Variants in SORCS3 observed in about 807,000 individuals in gnomAD.
SORCS3 encodes the protein sortilin related VPS10 domain containing receptor 3.
Under a neutral mutation model 146.3 loss-of-function variants are expected in SORCS3, and 57 were observed. The observed-to-expected ratio is 0.39, with a 90% CI of 0.31 to 0.49. The LOEUF is 0.49. SORCS3 is among the 20% of genes least tolerant of loss of function. The pLI is 0.92. For synonymous variants in SORCS3, 653 were observed against 618.5 expected (o/e 1.06, Z -0.83); for missense variants, 1,341 against 1,575.5 (o/e 0.85, Z 2.52).
At chr10:105,100,740 A>C (rs2055778423) in intron 6 of SORCS3, among the ~76,000 whole-genome samples, 1 of 152,262 alleles carries the variant, frequency 6.6e-6, no homozygotes, top group Non-Finnish European at 1.5e-5. Flanking sequence ...ACAAAATAGG[A>C]CATTTATTAT....
intron 3 of SORCS3, among the ~76,000 whole-genome samples, chr10:104,956,865 G>T (rs1256736523): frequency 6.6e-6 from 1 of 152,142 alleles, no homozygotes; most frequent in East Asian, 1.9e-4. Context: ...CTTATTCTGT[G>T]TAATTTTGTT....
rs746348194 is a variant in SORCS3, at chr10:104,641,533, C to T, written c.206C>T (p.Pro69Leu). 4.7e-6 allele frequency: 7 copies of T among 1,474,784 alleles called. No homozygotes were observed. In the South Asian group the frequency reaches 7.8e-5, roughly 16 times the overall value. 91.4% of individuals were successfully genotyped at this position (1,474,784 alleles called of 1,614,324 possible). ...CCGCGGGCAGTGGCCAGCCAGTGGCCGGAGGAGCTGGCGTCGGCGCGGAGA... is the reference window on the plus strand; with the variant it reads ...CCGCGGGCAGTGGCCAGCCAGTGGCTGGAGGAGCTGGCGTCGGCGCGGAGA... ...LSPRAVASQW[P>L]EELASARRAA... The change falls in exon 1 of 27, where the codon CCG becomes CTG. Residue 69 changes from proline to leucine, a missense_variant. Coordinates refer to ENST00000369701, the MANE Select transcript of SORCS3 (RefSeq NM_014978.3). The surrounding 1 kb of genome is among the most constrained non-coding windows in gnomAD (Gnocchi z 6.4).
chr10:105,115,326 G>A (rs943715544), intron 7 of SORCS3, among the ~76,000 whole-genome samples: 14 of 152,258 alleles, frequency 9.2e-5, no homozygotes, highest in African/African-American at 2.4e-4. Context: ...TGCTTTGAAC[G>A]CTACAAAGCC....
chr10:104,917,914 C>G (rs2019049185), intron 3 of SORCS3, among the ~76,000 whole-genome samples: 1 of 152,170 alleles, frequency 6.6e-6, no homozygotes, highest in African/African-American at 2.4e-5. Flanking sequence ...TATATCATGG[C>G]TGTTGTGAGT....
At chr10:105,093,808 C>T (rs1045256468) in intron 6 of SORCS3, among the ~76,000 whole-genome samples, 1 of 152,032 alleles carries the variant, frequency 6.6e-6, no homozygotes, top group Non-Finnish European at 1.5e-5. Context: ...GGTACAGCTA[C>T]TCTGAAAAGA....
chr10:104,900,225 G>A (rs965158205), intron 2 of SORCS3, among the ~76,000 whole-genome samples: 2 of 152,112 alleles, frequency 1.3e-5, no homozygotes, highest in Non-Finnish European at 2.9e-5. Flanking sequence ...GGCTCTGCTG[G>A]TTTCTGTCAG....
At chr10:105,198,157 A>G (rs2056554512) in intron 14 of SORCS3, among the ~76,000 whole-genome samples, 1 of 152,186 alleles carries the variant, frequency 6.6e-6, no homozygotes, top group Non-Finnish European at 1.5e-5. Context: ...CTGTCTGCCT[A>G]GTAACCTTTT....
intron 2 of SORCS3, among the ~76,000 whole-genome samples, chr10:104,912,202 C>T (rs1202512003): frequency 1.3e-5 from 2 of 152,178 alleles, no homozygotes; most frequent in Non-Finnish European, 2.9e-5. Flanking sequence ...CAGGGTAACA[C>T]GTTGAGTGCA....
intron 3 of SORCS3, among the ~76,000 whole-genome samples, chr10:104,959,530 C>T (rs2054780622): frequency 1.3e-5 from 2 of 152,102 alleles, no homozygotes; most frequent in Admixed American, 1.3e-4. Context: ...GCCTCCAGAG[C>T]TGTGAGAAAG....
At chr10:104,973,164 G>C (rs1009449014) in intron 3 of SORCS3, among the ~76,000 whole-genome samples, 1 of 152,010 alleles carries the variant, frequency 6.6e-6, no homozygotes, top group Non-Finnish European at 1.5e-5. Context: ...CTCTTTTTTG[G>C]TTGTGTCTCT....
intron 1 of SORCS3, among the ~76,000 whole-genome samples, chr10:104,776,942 G>A (rs2017315550): frequency 6.6e-6 from 1 of 151,272 alleles, no homozygotes; most frequent in South Asian, 2.1e-4. Context: ...CAGGCAGACA[G>A]GCAGAGAGAA....
chr10:104,783,249 TCTTTTCTACTCCAAGTG>T (rs2017395096), intron 1 of SORCS3, among the ~76,000 whole-genome samples: 1 of 152,206 alleles, frequency 6.6e-6, no homozygotes, highest in Admixed American at 6.5e-5. Flanking sequence ...TGTATTACTC[TCTTTTCTACTCCAAGTG>T]CTTTTGCTGT....
At chr10:104,898,008 C>T (rs985786549) in intron 2 of SORCS3, among the ~76,000 whole-genome samples, 8 of 152,186 alleles carry the variant, frequency 5.3e-5, no homozygotes, top group African/African-American at 1.9e-4. Context: ...GCACCCTTGA[C>T]AGAATGGCTT....
intron 7 of SORCS3, among the ~76,000 whole-genome samples, chr10:105,129,927 A>G (rs1049281258): frequency 3.3e-5 from 5 of 152,080 alleles, no homozygotes; most frequent in African/African-American, 1.2e-4. Flanking sequence ...GGTGGCACAC[A>G]TGGCTACCCC....
Position 104,913,709 on chromosome 10 carries a change from C to T in SORCS3, c.696-2124C>T, listed in dbSNP as rs374428047. ...ACCTGCATTCTGTTAGGAGGTTTCC[C>T]ATGTCTTATATTTTTGTAACCTCAC... On this transcript the variant is annotated intron_variant, in intron 2 of 26. Transcript: ENST00000369701. 5.6e-4 allele frequency among the ~76,000 whole-genome samples: 85 copies of T among 151,310 alleles called. 4 individuals carry two copies. In the South Asian group the frequency reaches 7.3e-3, roughly 13 times the overall value.
intron 3 of SORCS3, among the ~76,000 whole-genome samples, chr10:104,944,273 C>A (rs1366877995): frequency 6.6e-6 from 1 of 152,132 alleles, no homozygotes; most frequent in East Asian, 1.9e-4. Context: ...TCAAGAAAAG[C>A]ATAAGATATT....
At chr10:105,050,446 A>G (rs1377407920) in intron 5 of SORCS3, among the ~76,000 whole-genome samples, 3 of 152,118 alleles carry the variant, frequency 2.0e-5, no homozygotes, top group Admixed American at 1.3e-4. Flanking sequence ...GAATGGAGGG[A>G]GATCTCCAGC....
intron 1 of SORCS3, among the ~76,000 whole-genome samples, chr10:104,789,324 T>C (rs2017471156): frequency 6.6e-6 from 1 of 152,170 alleles, no homozygotes; most frequent in African/African-American, 2.4e-5. Context: ...CTCCTGGGCA[T>C]TGGTGCTGGG....
chr10:104,753,441 G>A (rs1184475371), intron 1 of SORCS3, among the ~76,000 whole-genome samples: 1 of 152,190 alleles, frequency 6.6e-6, no homozygotes, highest in Non-Finnish European at 1.5e-5. Context: ...AGACCCGAAT[G>A]AAAGTTTCCC....
Sources: allele counts gnomAD v4.1 joint callset (sites outside exome capture counted in the v4.1 genomes callset), GRCh38; gene constraint gnomAD v4.1.1; non-coding constraint Gnocchi (gnomAD v3.1); transcripts MANE v1.5; gene names NCBI Gene and HGNC (gene_info 2026-07-23, HGNC 2026-07-21).